The following WEE2 variants were observed in gnomAD, a reference collection of about 807,000 sequenced individuals.
WEE2 encodes wee1-like protein kinase 2.
A neutral mutation model predicts 60.1 loss-of-function variants in WEE2; 50 were observed. The ratio of observed to expected loss-of-function variants is 0.83; its 90% CI spans 0.66 to 1.05. The LOEUF (loss-of-function observed/expected upper bound fraction) is 1.05, where lower values mean the gene tolerates loss of function less well. Ranked by LOEUF, WEE2 falls within the 50% of genes least tolerant of loss-of-function variation. The pLI is 0.00. For missense variants in WEE2, 631 were observed against 684.3 expected (o/e 0.92, Z 0.87); for synonymous variants, 240 against 241.0 (o/e 1.00, Z 0.04).
Position 141,729,666 on chromosome 7 carries a change from C to T in WEE2, c.1671C>T (p.Ser557=). The T allele has an allele frequency of 2.5e-6, 4 of 1,610,338 alleles. No individual in the cohort carries two copies. The highest frequency in any genetic ancestry group is 3.4e-6 in the Non-Finnish European group (4 of 1,178,818). ...GAGGAAAGAGTGCAAGGTCTTCAAG[C>T]TTTACCTGTGAGTAATCTTCCCCTT... is the stretch of plus-strand genomic sequence containing the variant. ...LVGGKSARSS[S]FTSGEREPLH Residue 557 remains serine, a synonymous_variant, in exon 11 of 12, where the codon AGC becomes AGT. Coordinates refer to ENST00000397541, the MANE Select transcript of WEE2 (RefSeq NM_001105558.1).
At position 141,723,200 on chromosome 7, in the gene WEE2, T is replaced by G. The variant is rs1340096152; in HGVS notation, c.947T>G (p.Leu316Arg). 1 of 1,614,050 alleles carries G rather than the reference T, an allele frequency of 6.2e-7. No homozygotes were observed. The highest frequency in any genetic ancestry group is 1.3e-5 in the African/African-American group (1 of 74,920). ...KSGNHFEEPKLKDILLQISLG... is the reference protein window; with the variant it reads ...KSGNHFEEPKRKDILLQISLG... Reference sequence around the variant, plus strand: ...GGCAATCATTTTGAAGAGCCAAAACTCAAGGACATCCTTCTACAGATTTCC... The same window carrying G: ...GGCAATCATTTTGAAGAGCCAAAACGCAAGGACATCCTTCTACAGATTTCC... Residue 316 changes from leucine to arginine, a missense_variant, in exon 6 of 12, where the codon CTC (leucine) becomes CGC (arginine). Leu to Arg is a moderately radical substitution (Grantham distance 102). Coordinates refer to ENST00000397541, the MANE Select transcript of WEE2 (RefSeq NM_001105558.1).
chr7:141,723,156 A>G lies in WEE2; in HGVS notation c.903A>G (p.Ile301Met), dbSNP rs1748736980. The change falls in exon 6 of 12, where the codon ATA becomes ATG. Residue 301 changes from isoleucine to methionine, a missense_variant. Transcript: ENST00000397541. The stretch of plus-strand genomic sequence containing the variant: ...CAGGTGGGAGTTTGCAAGCTGCTAT[A>G]TCTGAAAACACTAAGTCTGGCAATC... ...YCNGGSLQAA[I>M]SENTKSGNHF... is the part of the protein sequence containing the mutation. 6.2e-7 allele frequency: 1 copy of G among 1,614,192 alleles called. No homozygotes were observed. The highest frequency in any genetic ancestry group is 1.1e-5 in the South Asian group (1 of 91,084).
intron 5 of WEE2, 125 bp downstream of exon 5, chr7:141,721,181 T>C: frequency 8.9e-7 from 1 of 1,121,700 alleles, no homozygotes; most frequent in Non-Finnish European, 1.3e-6. Context: ...AAGTCTGTAC[T>C]ATATATTATA....
In WEE2 at chr7:141,719,365, C is replaced by A. The variant is rs1798863936; in HGVS notation, c.758+121C>A. The A allele has an allele frequency of 1.4e-5, 13 of 938,770 alleles. No homozygotes were observed. In the South Asian group the frequency reaches 2.5e-4, roughly 18 times the overall value. 58.2% of individuals were successfully genotyped at this position (938,770 alleles called of 1,614,324 possible). A position where few individuals can be genotyped will look rare whatever the true frequency, so the allele number is the denominator to read the frequency against. ...AATCATTTGTGTTTTAAAATCACCC[C>A]ACATTATATGTTATCTCATATTCAT... On this transcript the variant is annotated intron_variant, in intron 4 of 11. Coordinates refer to ENST00000397541, the MANE Select transcript of WEE2 (RefSeq NM_001105558.1).
chr7:141,719,207 A>G lies in WEE2; in HGVS notation c.721A>G (p.Lys241Glu), dbSNP rs1342474187. The change falls in exon 4 of 12, where the codon AAG becomes GAG. Residue 241 changes from lysine (K) to glutamate (E), a missense_variant. By Grantham distance (56) the Lys-to-Glu change is moderately conservative. Coordinates refer to ENST00000397541, the MANE Select transcript of WEE2 (RefSeq NM_001105558.1). Reference protein sequence around the residue: ...KRLDGCVYAIKRSMKTFTELS... With the variant: ...KRLDGCVYAIERSMKTFTELS... ...GCTGGATGGATGTGTTTATGCAATA[A>G]AGCGCTCTATGAAAACTTTTACAGA... 1 of 1,612,292 alleles carries G rather than the reference A, an allele frequency of 6.2e-7. No homozygotes were observed. Among genetic ancestry groups the G allele is most frequent in the Admixed American group, 1.7e-5 (1 of 59,812 alleles).
chr7:141,710,058 G>GT (rs1484834021), intron 1 of WEE2, among the ~76,000 whole-genome samples: 1 of 152,178 alleles, frequency 6.6e-6, no homozygotes, highest in Non-Finnish European at 1.5e-5. Flanking sequence ...TAAGCTGCTT[G>GT]TTTGAATTGT....
At position 141,711,218 on chromosome 7, in the gene WEE2, C is replaced by T. The variant is rs753782257; in HGVS notation, c.342+2118C>T. Among the ~76,000 whole-genome samples, 8 of 152,032 alleles carry T rather than the reference C, an allele frequency of 5.3e-5. No homozygotes were observed. Among genetic ancestry groups the T allele is most frequent in the African/African-American group, 1.4e-4 (6 of 41,386 alleles). On this transcript the variant is annotated intron_variant, in intron 1 of 11. Coordinates refer to ENST00000397541, the MANE Select transcript of WEE2 (RefSeq NM_001105558.1). This position sits in a 1 kb window ranked among gnomAD's most constrained non-coding sequence, Gnocchi z 4.2. ...AAGAAAACAATGAAAATTGGAAATCCGTATTTGGATATCTACAGCATTTAG... is the reference window on the plus strand; with the variant it reads ...AAGAAAACAATGAAAATTGGAAATCTGTATTTGGATATCTACAGCATTTAG...
intron 10 of WEE2, chr7:141,727,711 T>C: frequency 2.5e-6 from 1 of 394,508 alleles, no homozygotes; most frequent in Non-Finnish European, 4.5e-6. Flanking sequence ...GAAATACCAG[T>C]AAAGAAAACT....
intron 11 of WEE2, 27 bp from the exon 12 acceptor site, chr7:141,730,268 T>C (rs1354278338): frequency 6.2e-7 from 1 of 1,611,654 alleles, no homozygotes; most frequent in East Asian, 2.2e-5. Flanking sequence ...CAATAACTTA[T>C]TTACTTCTCA....
chr7:141,722,899 T>C (rs1469820553), intron 5 of WEE2, among the ~76,000 whole-genome samples: 3 of 152,222 alleles, frequency 2.0e-5, no homozygotes, highest in Non-Finnish European at 4.4e-5. Context: ...AGGGCAGATA[T>C]TATGCTTTGT....
chr7:141,716,344 T>TCC (rs1467801628), intron 3 of WEE2, 77 bp downstream of exon 3: 12 of 1,285,228 alleles, frequency 9.3e-6, no homozygotes, highest in Non-Finnish European at 1.3e-5. Flanking sequence ...CCTCCCCTTC[T>TCC]CCCTCTCTCT....
chr7:141,730,156 C>A (rs1799112737), intron 11 of WEE2, 139 bp from the exon 12 acceptor site: 2 of 645,600 alleles, frequency 3.1e-6, no homozygotes, highest in South Asian at 6.2e-5. Context: ...CATTTATAGC[C>A]AAGATCCTAA....
At chr7:141,716,840 A>G (rs1798807279) in intron 3 of WEE2, among the ~76,000 whole-genome samples, 1 of 152,180 alleles carries the variant, frequency 6.6e-6, no homozygotes, top group African/African-American at 2.4e-5. Context: ...TTATATGTAA[A>G]ATTTTAGCTC....
Position 141,723,972 on chromosome 7 carries a change from T to C in WEE2, c.1059T>C (p.Ser353=). 1 of 1,611,962 alleles carries C rather than the reference T, an allele frequency of 6.2e-7. No homozygotes were observed. Among genetic ancestry groups the C allele is most frequent in the Non-Finnish European group, 8.5e-7 (1 of 1,179,330 alleles). Residue 353 remains serine (S), a synonymous_variant, in exon 7 of 12, where the codon AGT becomes AGC. Transcript: ENST00000397541. Reference sequence around the variant, plus strand: ...TATTCATTTGTCACAAGATGCAAAGTGAATCCTCTGGAGTCATAGAAGAAG... The same window carrying C: ...TATTCATTTGTCACAAGATGCAAAGCGAATCCTCTGGAGTCATAGAAGAAG... ...SNIFICHKMQ[S]ESSGVIEEVE...
rs141280286 is a variant in WEE2, at chr7:141,725,313, G to A, written c.1392+117G>A. On this transcript the variant is annotated intron_variant, in intron 9 of 11. Transcript: ENST00000397541. Reference sequence around the variant, plus strand: ...TAGTGTCACTAACAGAAAAAGGAACGTGACTAGAAGTCCAGAAAAAATAAG... The same window carrying A: ...TAGTGTCACTAACAGAAAAAGGAACATGACTAGAAGTCCAGAAAAAATAAG... The A allele has an allele frequency of 8.9e-4, 1,054 of 1,190,620 alleles. 6 individuals carry two copies. The African/African-American group carries it at 0.014, about 16-fold the overall frequency. 73.8% of individuals were successfully genotyped at this position (1,190,620 alleles called of 1,614,324 possible).
chr7:141,730,997 A>T lies in WEE2; in HGVS notation c.*677A>T, dbSNP rs1799130297. 6.6e-6 allele frequency: 1 copy of T among 152,184 alleles called. No homozygotes were observed. Among genetic ancestry groups the T allele is most frequent in the South Asian group, 2.1e-4 (1 of 4,826 alleles). 9.4% of individuals were successfully genotyped at this position (152,184 alleles called of 1,614,324 possible). On this transcript the variant is annotated 3_prime_UTR_variant, in exon 12 of 12. Transcript: ENST00000397541. ...GAATGAGAAATTTATGTCGGAGAAC[A>T]TTTTATGAATAAAAGGGTAAGAGAA...
At chr7:141,716,690 A>T (rs1331572480) in intron 3 of WEE2, among the ~76,000 whole-genome samples, 1 of 152,130 alleles carries the variant, frequency 6.6e-6, no homozygotes, top group Non-Finnish European at 1.5e-5. Flanking sequence ...GAGTAATTTT[A>T]AAATTACATA....
intron 9 of WEE2, among the ~76,000 whole-genome samples, chr7:141,726,792 A>G (rs778486132): frequency 6.6e-6 from 1 of 152,208 alleles, no homozygotes; most frequent in African/African-American, 2.4e-5. Flanking sequence ...TCTTCATTAT[A>G]TGACAGTTTC....
chr7:141,724,248 C>T lies in WEE2; in HGVS notation c.1194C>T (p.Arg398=), dbSNP rs1279490942. 34 of 1,613,868 alleles carry T rather than the reference C, an allele frequency of 2.1e-5. No homozygotes were observed. Among genetic ancestry groups the T allele is most frequent in the Non-Finnish European group, 2.8e-5 (33 of 1,179,936 alleles). ...NKPKVEEGDS[R]FLANEILQED... The stretch of plus-strand genomic sequence containing the variant: ...CCAAAGTGGAAGAAGGAGATAGTCG[C>T]TTCCTGGCTAATGAGATTTTGCAAG... The change falls in exon 8 of 12, where the codon CGC becomes CGT. Residue 398 remains arginine (R), a synonymous_variant. Coordinates refer to ENST00000397541, the MANE Select transcript of WEE2 (RefSeq NM_001105558.1).
Sources: gnomAD v4.1 joint callset for allele counts (sites outside exome capture counted in the v4.1 genomes callset) on GRCh38, gnomAD v4.1.1 for gene constraint, Gnocchi (gnomAD v3.1) non-coding constraint, MANE v1.5 for transcripts, NCBI Gene and HGNC (gene_info 2026-07-23, HGNC 2026-07-21) for gene names.